ASTN2: variants seen among roughly 807,000 people sequenced by gnomAD.
ASTN2 encodes astrotactin-2.
A neutral mutation model predicts 139.8 loss-of-function variants in ASTN2; 54 were observed. That is an observed-to-expected ratio of 0.39 (90% CI 0.31 to 0.48). The LOEUF is 0.48. Among genes scored for constraint, ASTN2 ranks in the 20% least tolerant of loss-of-function variants. The pLI is 0.95. For synonymous variants in ASTN2, 756 were observed against 719.5 expected, an observed-to-expected ratio of 1.05 and a Z score of -0.81; for missense variants, 1,565 against 1,725.1, an observed-to-expected ratio of 0.91 and a Z score of 1.64.
At chr9:116,822,571 A>G (rs1357222077) in intron 11 of ASTN2, among the ~76,000 whole-genome samples, 1 of 152,032 alleles carries the variant, frequency 6.6e-6, no homozygotes, top group East Asian at 1.9e-4. Context: ...GAAAAGAATG[A>G]CTGATTTTCT....
chr9:116,957,801 C>T (rs1462351955), intron 10 of ASTN2, among the ~76,000 whole-genome samples: 1 of 152,212 alleles, frequency 6.6e-6, no homozygotes, highest in African/African-American at 2.4e-5. Context: ...CTGTCTCAGC[C>T]TCCTGAGTAG....
intron 1 of ASTN2, among the ~76,000 whole-genome samples, chr9:117,392,630 G>A (rs1030601809): frequency 6.6e-6 from 1 of 152,164 alleles, no homozygotes; most frequent in Non-Finnish European, 1.5e-5. Context: ...TGATATTTTA[G>A]GGATATGTTA....
chr9:116,861,197 G>A (rs1420249367), intron 11 of ASTN2, among the ~76,000 whole-genome samples: 1 of 147,016 alleles, frequency 6.8e-6, no homozygotes, highest in Non-Finnish European at 1.5e-5. Context: ...AAAAGACAAA[G>A]AGAGACAAGC....
chr9:117,090,936 T>C (rs1206237626), intron 5 of ASTN2, among the ~76,000 whole-genome samples: 1 of 152,244 alleles, frequency 6.6e-6, no homozygotes, highest in Non-Finnish European at 1.5e-5. Context: ...TTTTCTGCCA[T>C]GCAGCCTTCT....
chr9:117,119,217 C>A (rs973785111), intron 4 of ASTN2, among the ~76,000 whole-genome samples: 4 of 152,202 alleles, frequency 2.6e-5, no homozygotes, highest in African/African-American at 9.7e-5. Context: ...GATTTACATG[C>A]AGGTTTGAAA....
intron 22 of ASTN2, among the ~76,000 whole-genome samples, chr9:116,434,858 T>C (rs12379198): frequency 0.2 from 30,248 of 152,118 alleles, 3,500 homozygotes; most frequent in Middle Eastern, 0.29. Flanking sequence ...ACTGGCCTGA[T>C]AGATTTATTA....
rs528845487 is a variant in ASTN2 at position 116,453,743 on chromosome 9, T to C, written c.3498-11190A>G. Among the ~76,000 whole-genome samples the C allele has an allele frequency of 3.3e-5, 5 of 151,896 alleles. No individual in the cohort carries two copies. In the South Asian group the frequency reaches 1.0e-3, roughly 32 times the overall value. On this transcript the variant is annotated intron_variant, in intron 20 of 22. Coordinates refer to ENST00000313400, the MANE Select transcript of ASTN2 (RefSeq NM_001365068.1). Reference sequence around the variant, plus strand: ...GAAACAGTGCATCTTTAAAATCAAATCCCTGCACAAAGGCAATGGTTCTGG... The same window carrying C: ...GAAACAGTGCATCTTTAAAATCAAACCCCTGCACAAAGGCAATGGTTCTGG...
intron 2 of ASTN2, among the ~76,000 whole-genome samples, chr9:117,288,744 G>A (rs1485697196): frequency 6.6e-6 from 1 of 152,204 alleles, no homozygotes; most frequent in Non-Finnish European, 1.5e-5. Context: ...CTGAGCCACA[G>A]AGAGGCCTGA....
chr9:117,129,846 T>C (rs2132835066), intron 4 of ASTN2, among the ~76,000 whole-genome samples: 1 of 152,320 alleles, frequency 6.6e-6, no homozygotes, highest in Admixed American at 6.5e-5. Context: ...CTTCTTATTG[T>C]TGTAAAATTA....
chr9:117,116,438 A>G (rs975419794), intron 4 of ASTN2, among the ~76,000 whole-genome samples: 3 of 152,186 alleles, frequency 2.0e-5, no homozygotes, highest in African/African-American at 4.8e-5. Flanking sequence ...CAGGGTCTTT[A>G]TCATGTGCAT....
intron 3 of ASTN2, among the ~76,000 whole-genome samples, chr9:117,203,881 G>A (rs1831820481): frequency 6.6e-6 from 1 of 152,162 alleles, no homozygotes; most frequent in Non-Finnish European, 1.5e-5. Context: ...TTTGTGCCTT[G>A]GTGGAGAGGG....
At chr9:117,340,288 C>T (rs1351230972) in intron 1 of ASTN2, among the ~76,000 whole-genome samples, 11 of 132,638 alleles carry the variant, frequency 8.3e-5, no homozygotes, top group African/African-American at 2.0e-4. Flanking sequence ...GCCAAGATTG[C>T]GCCACCGCAC....
chr9:116,971,296 T>C (rs1588449687), intron 10 of ASTN2, among the ~76,000 whole-genome samples: 2 of 151,466 alleles, frequency 1.3e-5, no homozygotes, highest in African/African-American at 2.4e-5. Context: ...CAGGGGAGAG[T>C]TTTATTTTGC....
At chr9:116,920,715 T>C (rs770973166) in intron 10 of ASTN2, among the ~76,000 whole-genome samples, 2 of 152,204 alleles carry the variant, frequency 1.3e-5, no homozygotes, top group Non-Finnish European at 2.9e-5. Context: ...CCCCGGTATG[T>C]GTTCACTGAG....
At chr9:117,005,683 G>C (rs1172553365) in intron 7 of ASTN2, among the ~76,000 whole-genome samples, 5 of 152,060 alleles carry the variant, frequency 3.3e-5, no homozygotes. Context: ...GTATCATTCA[G>C]ACATTTGCTC....
At chr9:116,461,420 G>T (rs867625616) in intron 20 of ASTN2, among the ~76,000 whole-genome samples, 1 of 151,552 alleles carries the variant, frequency 6.6e-6, no homozygotes, top group Non-Finnish European at 1.5e-5. Context: ...ACATGTATAC[G>T]CATATATATA....
intron 1 of ASTN2, among the ~76,000 whole-genome samples, chr9:117,387,928 G>GA (rs1458575199): frequency 1.3e-5 from 2 of 152,144 alleles, no homozygotes; most frequent in Non-Finnish European, 2.9e-5. Flanking sequence ...GGCTAGAGCT[G>GA]AAAGGGGCCC....
At chr9:117,003,138 A>G (rs1324486003) in intron 7 of ASTN2, among the ~76,000 whole-genome samples, 3 of 152,216 alleles carry the variant, frequency 2.0e-5, no homozygotes, top group Admixed American at 6.5e-5. Flanking sequence ...TACAGGCAGA[A>G]GATGAGGTGA....
chr9:116,807,007 C>G (rs1011376255), intron 12 of ASTN2, among the ~76,000 whole-genome samples: 1 of 152,086 alleles, frequency 6.6e-6, no homozygotes. Flanking sequence ...GAGTAAGTAG[C>G]AAAGTTGATA....
Sources: gnomAD v4.1 joint callset for allele counts (sites outside exome capture counted in the v4.1 genomes callset) on GRCh38, gnomAD v4.1.1 for gene constraint, MANE v1.5 for transcripts, NCBI Gene and HGNC (gene_info 2026-07-23, HGNC 2026-07-21) for gene names.